Variants in OSBPL9 observed in about 807,000 individuals in gnomAD.
OSBPL9 encodes the protein oxysterol-binding protein-related protein 9.
A neutral mutation model predicts 106.6 loss-of-function variants in OSBPL9; 40 were observed. That is an observed-to-expected ratio of 0.38 (90% CI 0.29 to 0.49). OSBPL9 has a LOEUF of 0.49. Among genes scored for constraint, OSBPL9 ranks in the 20% least tolerant of loss-of-function variants. The pLI is 0.97. For missense variants in OSBPL9, 609 were observed against 887.2 expected (o/e 0.69, Z 3.98); for synonymous variants, 269 against 295.4 (o/e 0.91, Z 0.92).
chr1:51,706,221 A>G lies in OSBPL9; in HGVS notation c.242-7782A>G, dbSNP rs79883309. The stretch of plus-strand genomic sequence containing the variant: ...TGAGATGATTTTCAATTATTTTAAT[A>G]TTAGAGTGTTTTTGACCTACCAAAA... On this transcript the variant is annotated intron_variant, in intron 3 of 23. Transcript: ENST00000428468. 9.6e-3 allele frequency among the ~76,000 whole-genome samples: 1,465 copies of G among 152,324 alleles called. 58 individuals carry two copies. The East Asian group carries it at 0.11, about 11-fold the overall frequency.
intron 4 of OSBPL9, among the ~76,000 whole-genome samples, chr1:51,737,106 AG>A (rs766876256): frequency 6.6e-6 from 1 of 151,678 alleles, no homozygotes; most frequent in Non-Finnish European, 1.5e-5. Flanking sequence ...TATTTATTCC[AG>A]TATAGTGATT....
In OSBPL9 at chr1:51,652,016, C is replaced by G; in HGVS notation, c.137C>G (p.Ser46Cys). The change falls in exon 2 of 24, where the codon TCT (serine) becomes TGT (cysteine). Residue 46 changes from serine (S) to cysteine (C), a missense_variant. Physicochemically the swap from Ser to Cys is moderately radical, Grantham distance 112 (BLOSUM62 -1). Coordinates refer to ENST00000428468, the MANE Select transcript of OSBPL9 (RefSeq NM_024586.6). ...TCCAAGGACAAAATGATGAGAGGCT[C>G]TCGCAGAGGATGTGTTAGACTCAGA... ...YTSKDKMMRG[S>C]RRGCVRLRGA... 1 of 1,609,562 alleles carries G rather than the reference C, an allele frequency of 6.2e-7. No homozygotes were observed. The highest frequency in any genetic ancestry group is 2.2e-5 in the East Asian group (1 of 44,690).
intron 2 of OSBPL9, among the ~76,000 whole-genome samples, chr1:51,660,231 T>C (rs1179760270): frequency 1.3e-5 from 2 of 152,120 alleles, no homozygotes; most frequent in Admixed American, 6.6e-5. Context: ...AAAAAAAGCA[T>C]AGGTGATATC....
At chr1:51,669,957 G>T in intron 3 of OSBPL9, 1 of 358,506 alleles carries the variant, frequency 2.8e-6, no homozygotes, top group South Asian at 2.1e-5. Context: ...TTGGCTTAAA[G>T]GTTTTGCTCT....
At chr1:51,669,367 T>C in intron 2 of OSBPL9, 67 bp from the exon 3 acceptor site, 1 of 1,312,250 alleles carries the variant, frequency 7.6e-7, no homozygotes, top group South Asian at 1.2e-5. Flanking sequence ...ATTCCAGGGC[T>C]ATAGCAGTAG....
chr1:51,783,474 C>T (rs1017049740), intron 17 of OSBPL9, among the ~76,000 whole-genome samples: 2 of 152,038 alleles, frequency 1.3e-5, no homozygotes, highest in African/African-American at 4.8e-5. Flanking sequence ...GCGTTAGCCA[C>T]TGAGCCCAGC....
the OSBPL9 span, among the ~76,000 whole-genome samples, chr1:51,521,217 A>G: frequency 3.3e-5 from 5 of 152,252 alleles, no homozygotes; most frequent in Admixed American, 6.5e-5. Context: ...CACTAGTTGT[A>G]TGCCCTTAGG....
chr1:51,535,104 G>T, the OSBPL9 span, among the ~76,000 whole-genome samples: 1 of 152,174 alleles, frequency 6.6e-6, no homozygotes, highest in Admixed American at 6.5e-5. Flanking sequence ...GACATTTGAG[G>T]GTAAATCATG....
intron 8 of OSBPL9, among the ~76,000 whole-genome samples, chr1:51,753,739 A>T (rs1171224892): frequency 6.6e-6 from 1 of 152,132 alleles, no homozygotes; most frequent in African/African-American, 2.4e-5. Context: ...TCCAGTTTTG[A>T]TTCTTTGATT....
upstream of OSBPL9, chr1:51,617,016 GA>G: frequency 6.7e-7 from 1 of 1,503,190 alleles, no homozygotes; most frequent in Non-Finnish European, 8.9e-7. Flanking sequence ...ACCCGCCCAG[GA>G]CCCGCCCCGC....
In OSBPL9 at chr1:51,713,223, C is replaced by T. The variant is rs569239451; in HGVS notation, c.242-780C>T. Among the ~76,000 whole-genome samples the T allele has an allele frequency of 4.4e-4, 67 of 152,196 alleles. 1 individual carries two copies. The highest frequency in any genetic ancestry group is 7.8e-4 in the Non-Finnish European group (53 of 68,012). On this transcript the variant is annotated intron_variant, in intron 3 of 23. Coordinates refer to ENST00000428468, the MANE Select transcript of OSBPL9 (RefSeq NM_024586.6). ...GGAGTGCAGTGGCACGATCTTGGCT[C>T]GCTGCAACCTCCGCCTCCCGGGTTC...
chr1:51,774,510 G>A lies in OSBPL9; in HGVS notation c.1170+1787G>A, dbSNP rs143427285. Among the ~76,000 whole-genome samples, 1,181 of 152,252 alleles carry A rather than the reference G, an allele frequency of 7.8e-3. 13 individuals carry two copies. Among genetic ancestry groups the A allele is most frequent in the Admixed American group, 0.015 (228 of 15,298 alleles). On this transcript the variant is annotated intron_variant, in intron 14 of 23. Coordinates refer to ENST00000428468, the MANE Select transcript of OSBPL9 (RefSeq NM_024586.6). ...TTTATAAGAATGTTTTCTCACTTCA[G>A]ATACTTTCCAAAAAGAGTTTGTTTT...
intron 15 of OSBPL9, among the ~76,000 whole-genome samples, chr1:51,778,155 T>TA (rs145908816): frequency 0.012 from 1,801 of 151,566 alleles, 38 homozygotes; most frequent in African/African-American, 0.042. Context: ...GACCCTGTCT[T>TA]AAAAAAAATA....
intron 8 of OSBPL9, among the ~76,000 whole-genome samples, chr1:51,755,989 C>A (rs761934871): frequency 1.3e-5 from 2 of 152,212 alleles, no homozygotes; most frequent in African/African-American, 2.4e-5. Context: ...CACTTAACAT[C>A]ATGTTTTCAA....
intron 20 of OSBPL9, 169 bp from the exon 21 acceptor site, chr1:51,785,639 C>G (rs887277722): frequency 1.0e-5 from 6 of 584,710 alleles, no homozygotes; most frequent in Admixed American, 3.4e-5. Flanking sequence ...CTGTTGAAGG[C>G]CCTCATTCTT....
At chr1:51,617,036 G>GCCC, upstream of OSBPL9, 1 of 1,388,368 alleles carries the variant, frequency 7.2e-7, no homozygotes, top group Non-Finnish European at 9.8e-7. Context: ...GCCCCCTGCG[G>GCCC]CCCCGCCCCC....
chr1:51,712,681 G>T lies in OSBPL9; in HGVS notation c.242-1322G>T, dbSNP rs1467836200. On this transcript the variant is annotated intron_variant, in intron 3 of 23. Transcript: ENST00000428468. The stretch of plus-strand genomic sequence containing the variant: ...AAAAGGAAAAAATTATGTCATTTAT[G>T]CAATAATCTGGAGCTCCTGTTGATC... 2.0e-5 allele frequency among the ~76,000 whole-genome samples: 3 copies of T among 152,156 alleles called. No homozygotes were observed. In the East Asian group the frequency reaches 5.8e-4, roughly 29 times the overall value.
rs376121535 is a variant in OSBPL9 at position 51,746,590 on chromosome 1, A to T, written c.415-120A>T. On this transcript the variant is annotated intron_variant, in intron 5 of 23. Coordinates refer to ENST00000428468, the MANE Select transcript of OSBPL9 (RefSeq NM_024586.6). ...AAATACATGTTGTCTTGAAAATAACATATAAATCATCCCTGGACAAAATGT... is the reference window on the plus strand; with the variant it reads ...AAATACATGTTGTCTTGAAAATAACTTATAAATCATCCCTGGACAAAATGT... 110 of 707,188 alleles carry T rather than the reference A, an allele frequency of 1.6e-4. 7 individuals are homozygous for T. Among genetic ancestry groups the T allele is most frequent in the East Asian group, 1.0e-3 (38 of 37,616 alleles). The allele number at this position is 707,188 out of a possible 1,614,324, so 43.8% of individuals were successfully genotyped here.
intron 3 of OSBPL9, among the ~76,000 whole-genome samples, chr1:51,680,988 GTGTT>G (rs1362279005): frequency 7.9e-5 from 12 of 152,020 alleles, no homozygotes; most frequent in Admixed American, 3.3e-4. Context: ...ATATTTTGAT[GTGTT>G]TGTTTACTTG....
Sources: gnomAD v4.1 joint callset for allele counts (sites outside exome capture counted in the v4.1 genomes callset) on GRCh38, gnomAD v4.1.1 for gene constraint, MANE v1.5 for transcripts, NCBI Gene and HGNC (gene_info 2026-07-23, HGNC 2026-07-21) for gene names.